The following SEL1L2 variants were observed in gnomAD, a reference collection of about 807,000 sequenced individuals.
SEL1L2 encodes the protein SEL1L2 adaptor subunit of SYVN1 ubiquitin ligase.
Under a neutral mutation model 98.8 loss-of-function variants are expected in SEL1L2, and 89 were observed. The ratio of observed to expected loss-of-function variants is 0.90; its 90% confidence interval spans 0.76 to 1.07. The LOEUF (loss-of-function observed/expected upper bound fraction) is 1.07. Among genes scored for constraint, SEL1L2 ranks in the 50% least tolerant of loss-of-function variants. The pLI is 0.00. For missense variants in SEL1L2, 788 were observed against 812.0 expected (o/e 0.97, Z 0.36); for synonymous variants, 262 against 278.5 (o/e 0.94, Z 0.59).
At chr20:13,974,193 G>A (rs772156058) in intron 1 of SEL1L2, among the ~76,000 whole-genome samples, 9 of 152,204 alleles carry the variant, frequency 5.9e-5, no homozygotes, top group Middle Eastern at 3.4e-3. Flanking sequence ...TCTGCTCAGG[G>A]GCACTTGTGC....
chr20:13,861,755 C>T (rs944102849), intron 17 of SEL1L2, among the ~76,000 whole-genome samples: 5 of 152,116 alleles, frequency 3.3e-5, no homozygotes, highest in Middle Eastern at 3.2e-3. Context: ...AGACTCCTTA[C>T]GACCTACAAG....
chr20:13,930,555 G>C (rs2049099992), intron 3 of SEL1L2, among the ~76,000 whole-genome samples: 1 of 152,152 alleles, frequency 6.6e-6, no homozygotes, highest in East Asian at 1.9e-4. Flanking sequence ...CCTAACTTCA[G>C]TTAGCTAAGC....
intron 2 of SEL1L2, among the ~76,000 whole-genome samples, chr20:13,935,671 G>A (rs1055468829): frequency 6.6e-6 from 1 of 152,172 alleles, no homozygotes; most frequent in Non-Finnish European, 1.5e-5. Context: ...AGGCAGCGCT[G>A]GGGCCAGGTT....
rs941015705 is a variant in SEL1L2 at position 13,918,130 on chromosome 20, C to A, written c.386+891G>T. The stretch of plus-strand genomic sequence containing the variant: ...CTATTATTGGTTCAAAATACCCTTG[C>A]TTTCTTTGCCCCCATACCTTCAACT... On this transcript the variant is annotated intron_variant, in intron 4 of 19. Transcript: ENST00000284951. Among the ~76,000 whole-genome samples, 56 of 152,258 alleles carry A rather than the reference C, an allele frequency of 3.7e-4. 1 individual carries two copies. The highest frequency in any genetic ancestry group is 1.3e-3 in the African/African-American group (55 of 41,564).
chr20:13,971,892 C>T (rs1178447892), intron 1 of SEL1L2, among the ~76,000 whole-genome samples: 1 of 152,114 alleles, frequency 6.6e-6, no homozygotes, highest in Non-Finnish European at 1.5e-5. Flanking sequence ...GTACTAAATT[C>T]TTATTCATAC....
intron 5 of SEL1L2, among the ~76,000 whole-genome samples, chr20:13,894,941 C>A (rs1358814207): frequency 6.6e-6 from 1 of 152,192 alleles, no homozygotes; most frequent in African/African-American, 2.4e-5. Flanking sequence ...AAATCCTTCA[C>A]ATTTTCCAAA....
At chr20:13,857,321 C>T (rs1008849899) in intron 18 of SEL1L2, among the ~76,000 whole-genome samples, 1 of 151,586 alleles carries the variant, frequency 6.6e-6, no homozygotes, top group Non-Finnish European at 1.5e-5. Flanking sequence ...TAGAAAAGAA[C>T]AGAAAACTGG....
In SEL1L2 at chr20:13,863,679, A is replaced by G. The variant is rs565823292; in HGVS notation, c.1645+1488T>C. On this transcript the variant is annotated intron_variant, in intron 17 of 19. Transcript: ENST00000284951. Reference sequence around the variant, plus strand: ...TATTGAGGAATTCAGTTTAATATCAATGTACTAGCTGGGCGATGGTATAGG... The same window carrying G: ...TATTGAGGAATTCAGTTTAATATCAGTGTACTAGCTGGGCGATGGTATAGG... Among the ~76,000 whole-genome samples the G allele has an allele frequency of 1.3e-4, 20 of 152,290 alleles. No individual in the cohort carries two copies. The East Asian group carries it at 3.1e-3, about 24-fold the overall frequency.
intron 2 of SEL1L2, among the ~76,000 whole-genome samples, chr20:13,947,500 C>T (rs1014558239): frequency 1.3e-5 from 2 of 152,162 alleles, no homozygotes; most frequent in African/African-American, 4.8e-5. Flanking sequence ...ACCTCTTCAC[C>T]TTGCTCACCC....
chr20:13,952,888 G>A (rs1433496306), intron 2 of SEL1L2, among the ~76,000 whole-genome samples: 1 of 152,194 alleles, frequency 6.6e-6, no homozygotes, highest in African/African-American at 2.4e-5. Flanking sequence ...AATTAGCTGG[G>A]TGTGGTGGCG....
intron 3 of SEL1L2, among the ~76,000 whole-genome samples, chr20:13,923,918 C>T (rs1428866773): frequency 2.0e-5 from 3 of 152,038 alleles, no homozygotes; most frequent in Admixed American, 2.0e-4. Context: ...GTTAAAAAAT[C>T]TTCAACAATT....
chr20:13,976,633 A>G (rs1158053772), intron 1 of SEL1L2, among the ~76,000 whole-genome samples: 3 of 152,226 alleles, frequency 2.0e-5, no homozygotes, highest in Non-Finnish European at 4.4e-5. Flanking sequence ...CCTTTATTCT[A>G]TATAAAGTGG....
chr20:13,851,850 GT>G (rs995529730), intron 18 of SEL1L2, among the ~76,000 whole-genome samples: 1 of 151,174 alleles, frequency 6.6e-6, no homozygotes, highest in Non-Finnish European at 1.5e-5. Context: ...TTAAAACTGT[GT>G]TTTTTTGCGG....
chr20:13,905,735 A>C (rs2047897637), intron 5 of SEL1L2, among the ~76,000 whole-genome samples: 1 of 152,178 alleles, frequency 6.6e-6, no homozygotes, highest in South Asian at 2.1e-4. Context: ...GAATGATTAA[A>C]TCTTAATCCA....
At chr20:13,974,722 C>A (rs1198981807) in intron 1 of SEL1L2, among the ~76,000 whole-genome samples, 1 of 152,108 alleles carries the variant, frequency 6.6e-6, no homozygotes, top group East Asian at 1.9e-4. Flanking sequence ...TCCGCCTCAG[C>A]CTCCTGAAGT....
intron 1 of SEL1L2, among the ~76,000 whole-genome samples, chr20:13,958,087 G>A (rs780098514): frequency 2.0e-5 from 3 of 152,090 alleles, no homozygotes; most frequent in Non-Finnish European, 4.4e-5. Flanking sequence ...AATACTCAAC[G>A]TCAGAGGCAA....
At chr20:13,968,755 GAAA>G (rs2051157793) in intron 1 of SEL1L2, among the ~76,000 whole-genome samples, 1 of 152,190 alleles carries the variant, frequency 6.6e-6, no homozygotes, top group Non-Finnish European at 1.5e-5. Context: ...CCCAAAATGA[GAAA>G]ACATTCCCTG....
At chr20:13,954,961 T>C (rs2050456281) in intron 2 of SEL1L2, among the ~76,000 whole-genome samples, 1 of 152,228 alleles carries the variant, frequency 6.6e-6, no homozygotes, top group African/African-American at 2.4e-5. Flanking sequence ...AGAGGAGCTA[T>C]ATTCAGAGGG....
intron 2 of SEL1L2, among the ~76,000 whole-genome samples, chr20:13,949,508 C>T (rs1484450512): frequency 6.6e-6 from 1 of 151,968 alleles, no homozygotes; most frequent in East Asian, 1.9e-4. Flanking sequence ...ACTAAAAATA[C>T]AAAAAATTAG....
Sources: allele counts gnomAD v4.1 joint callset (sites outside exome capture counted in the v4.1 genomes callset), GRCh38; gene constraint gnomAD v4.1.1; transcripts MANE v1.5; gene names NCBI Gene and HGNC (gene_info 2026-07-23, HGNC 2026-07-21).